The following PDE4D variants were observed in gnomAD, a reference collection of about 807,000 sequenced individuals.
The protein encoded by PDE4D is 3',5'-cyclic-AMP phosphodiesterase 4D.
Under a neutral mutation model 87.4 loss-of-function variants are expected in PDE4D, and 24 were observed. The observed-to-expected ratio is 0.27, with a 90% CI of 0.20 to 0.39. The LOEUF (loss-of-function observed/expected upper bound fraction) is 0.39, where lower values mean the gene tolerates loss of function less well. PDE4D is among the 10% of genes least tolerant of loss of function. The probability of loss-of-function intolerance (pLI) is 1.00; values close to 1 mark genes in which losing one functional copy is unlikely to be tolerated. For missense variants in PDE4D, 714 were observed against 1,041.0 expected (o/e 0.69, Z 4.32); for synonymous variants, 384 against 383.2 (o/e 1.00, Z -0.02).
chr5:60,443,832 A>G (rs970108578), intron 1 of PDE4D, among the ~76,000 whole-genome samples: 21 of 152,138 alleles, frequency 1.4e-4, no homozygotes, highest in African/African-American at 4.1e-4. Context: ...CACACTCAGC[A>G]TTCAATTACT....
At chr5:60,334,482 G>A (rs1281663793) in intron 1 of PDE4D, among the ~76,000 whole-genome samples, 3 of 152,086 alleles carry the variant, frequency 2.0e-5, no homozygotes, top group South Asian at 2.1e-4. Flanking sequence ...AGTAGCCACA[G>A]GGTAATGTCT....
At chr5:59,841,746 C>T (rs1047974466) in intron 1 of PDE4D, among the ~76,000 whole-genome samples, 1 of 152,016 alleles carries the variant, frequency 6.6e-6, no homozygotes, top group East Asian at 1.9e-4. Context: ...TCAAAAATGA[C>T]ATCTACTTAG....
intron 1 of PDE4D, among the ~76,000 whole-genome samples, chr5:59,404,575 C>G (rs1174606553): frequency 6.6e-6 from 1 of 151,598 alleles, no homozygotes; most frequent in Non-Finnish European, 1.5e-5. Flanking sequence ...ACAAGAATCA[C>G]TTGAACCCAG....
chr5:60,270,177 T>A (rs950042490), intron 1 of PDE4D, among the ~76,000 whole-genome samples: 24 of 152,204 alleles, frequency 1.6e-4, no homozygotes, highest in Admixed American at 6.5e-5. Flanking sequence ...AAGAGTCATT[T>A]CTAGAAGGTC....
At chr5:59,031,107 G>C (rs1757308284) in intron 6 of PDE4D, among the ~76,000 whole-genome samples, 1 of 151,946 alleles carries the variant, frequency 6.6e-6, no homozygotes, top group African/African-American at 2.4e-5. Context: ...GTGGAGAAAA[G>C]GGAGCCCTTC....
chr5:59,072,285 T>C (rs561601175), intron 5 of PDE4D, among the ~76,000 whole-genome samples: 1 of 152,288 alleles, frequency 6.6e-6, no homozygotes, highest in Admixed American at 6.5e-5. Context: ...TTAAGCATAG[T>C]TGGAAGCTGA....
chr5:60,469,089 C>T (rs149324), intron 1 of PDE4D, among the ~76,000 whole-genome samples: 107,031 of 152,022 alleles, frequency 0.7, 38,763 homozygotes, highest in African/African-American at 0.89. Flanking sequence ...ATAAAATCCA[C>T]GTCTTTCTTC....
intron 3 of PDE4D, among the ~76,000 whole-genome samples, chr5:59,957,547 T>C (rs908582590): frequency 6.6e-6 from 1 of 151,868 alleles, no homozygotes; most frequent in Non-Finnish European, 1.5e-5. Context: ...TGAATGGGAG[T>C]GGCTGTTGGT....
chr5:59,588,309 C>T (rs768907185), intron 1 of PDE4D, among the ~76,000 whole-genome samples: 1 of 152,216 alleles, frequency 6.6e-6, no homozygotes, highest in South Asian at 2.1e-4. Context: ...ACTGTTGATG[C>T]CATTTTGGAG....
intron 2 of PDE4D, among the ~76,000 whole-genome samples, chr5:60,073,046 A>G (rs549409858): frequency 6.6e-6 from 1 of 152,158 alleles, no homozygotes; most frequent in Admixed American, 6.5e-5. Flanking sequence ...TTAAAATACT[A>G]TGTTGAATAG....
At chr5:60,010,973 T>C (rs1391973230) in intron 2 of PDE4D, among the ~76,000 whole-genome samples, 1 of 152,150 alleles carries the variant, frequency 6.6e-6, no homozygotes, top group Admixed American at 6.5e-5. Context: ...TGAAAATGAA[T>C]TGTATCACTT....
At chr5:59,889,261 G>C (rs1169621503) in intron 1 of PDE4D, among the ~76,000 whole-genome samples, 1 of 138,920 alleles carries the variant, frequency 7.2e-6, no homozygotes, top group African/African-American at 2.7e-5. Flanking sequence ...CTAATGTCAA[G>C]TAAATATAAT....
chr5:59,360,380 T>G (rs1469524530), intron 1 of PDE4D, among the ~76,000 whole-genome samples: 1 of 152,150 alleles, frequency 6.6e-6, no homozygotes, highest in East Asian at 1.9e-4. Flanking sequence ...GTGCTGTATT[T>G]TGAAATAGTC....
chr5:59,025,234 T>G (rs1178430676), intron 6 of PDE4D, among the ~76,000 whole-genome samples: 6 of 152,178 alleles, frequency 3.9e-5, no homozygotes, highest in Non-Finnish European at 1.5e-5. Context: ...ATTTTGAAAT[T>G]TATTGTCTTC....
At chr5:59,771,475 AAGAAAGAAAGAG>A (rs1212827790) in intron 1 of PDE4D, among the ~76,000 whole-genome samples, 6 of 79,204 alleles carry the variant, frequency 7.6e-5, no homozygotes, top group African/African-American at 2.9e-4. Context: ...GAAAGAAAGA[AAGAAAGAAAGAG>A]AGAGAGAGAG....
At chr5:60,490,931 C>T (rs1300413637), upstream of PDE4D, 1 of 152,206 alleles carries the variant, frequency 6.6e-6, no homozygotes, top group Non-Finnish European at 1.5e-5. Flanking sequence ...CAAAGAAAGT[C>T]ACTCATGAGT....
intron 1 of PDE4D, among the ~76,000 whole-genome samples, chr5:59,222,913 C>A (rs1752869577): frequency 6.6e-6 from 1 of 152,160 alleles, no homozygotes; most frequent in South Asian, 2.1e-4. Flanking sequence ...CTAGTACACT[C>A]CCATTATTTA....
intron 5 of PDE4D, among the ~76,000 whole-genome samples, chr5:59,078,684 A>AT (rs372592013): frequency 1.3e-5 from 2 of 151,696 alleles, no homozygotes; most frequent in Non-Finnish European, 2.9e-5. Context: ...ATTTTGTTGT[A>AT]TTTTTTTGTA....
intron 1 of PDE4D, among the ~76,000 whole-genome samples, chr5:59,399,313 G>C (rs1468663298): frequency 7.4e-6 from 1 of 134,546 alleles, no homozygotes; most frequent in African/African-American, 2.6e-5. Context: ...GAGGCATCAC[G>C]CTACCTGACT....
Sources: allele counts gnomAD v4.1 joint callset (sites outside exome capture counted in the v4.1 genomes callset), GRCh38; gene constraint gnomAD v4.1.1; transcripts MANE v1.5; gene names NCBI Gene and HGNC (gene_info 2026-07-23, HGNC 2026-07-21).